Variants in CNTN4 observed in about 807,000 individuals in gnomAD.
CNTN4 encodes the protein contactin-4.
A neutral mutation model predicts 122.5 loss-of-function variants in CNTN4; 77 were observed. That is an observed-to-expected ratio of 0.63 (90% CI 0.52 to 0.76). The LOEUF is 0.76. Ranked by LOEUF, CNTN4 falls within the 30% of genes least tolerant of loss-of-function variation. The probability of loss-of-function intolerance (pLI) is 0.00; values close to 1 mark genes in which losing one functional copy is unlikely to be tolerated. For synonymous variants in CNTN4, 512 were observed against 447.0 expected, an observed-to-expected ratio of 1.15 and a Z score of -1.83; for missense variants, 1,256 against 1,259.1, an observed-to-expected ratio of 1.00 and a Z score of 0.04.
chr3:2,827,304 T>G (rs925820), intron 7 of CNTN4, among the ~76,000 whole-genome samples: 101,403 of 152,084 alleles, frequency 0.67, 34,370 homozygotes, highest in African/African-American at 0.78. Context: ...CCAACCAAAT[T>G]GAATTCATCT....
chr3:2,957,408 A>G (rs985597757), intron 13 of CNTN4, among the ~76,000 whole-genome samples: 1 of 152,100 alleles, frequency 6.6e-6, no homozygotes, highest in African/African-American at 2.4e-5. Flanking sequence ...GCACCTTTTC[A>G]TATGCCTTTG....
intron 2 of CNTN4, among the ~76,000 whole-genome samples, chr3:2,314,476 AT>A (rs1402176695): frequency 6.6e-6 from 1 of 151,986 alleles, no homozygotes; most frequent in Non-Finnish European, 1.5e-5. Context: ...GTGAAGCTGT[AT>A]AAATGTGGAT....
intron 14 of CNTN4, among the ~76,000 whole-genome samples, chr3:3,002,648 GA>G (rs1463512266): frequency 6.6e-6 from 1 of 152,132 alleles, no homozygotes; most frequent in Non-Finnish European, 1.5e-5. Flanking sequence ...GTAAAATGAA[GA>G]GCCTTTAATC....
At chr3:2,459,476 C>T (rs932052669) in intron 3 of CNTN4, among the ~76,000 whole-genome samples, 15 of 152,154 alleles carry the variant, frequency 9.9e-5, no homozygotes, top group Admixed American at 6.6e-5. Context: ...CCATCTACAG[C>T]GCATCTCCAA....
intron 2 of CNTN4, among the ~76,000 whole-genome samples, chr3:2,309,852 C>G (rs1459927553): frequency 6.6e-6 from 1 of 152,128 alleles, no homozygotes; most frequent in Non-Finnish European, 1.5e-5. Context: ...TGTGGAAAGT[C>G]TCAGGACCAG....
chr3:2,201,106 A>G (rs1028462664), intron 2 of CNTN4, among the ~76,000 whole-genome samples: 15 of 152,162 alleles, frequency 9.9e-5, no homozygotes, highest in Admixed American at 9.8e-4. Flanking sequence ...AGAGTAGCCT[A>G]TTCTCCATTC....
chr3:2,538,282 T>G (rs1222498026), intron 3 of CNTN4, among the ~76,000 whole-genome samples: 1 of 152,124 alleles, frequency 6.6e-6, no homozygotes, highest in Non-Finnish European at 1.5e-5. Flanking sequence ...AGACTTCTAG[T>G]CTTCAGAACT....
At chr3:2,273,608 A>G (rs552039400) in intron 2 of CNTN4, among the ~76,000 whole-genome samples, 22 of 152,328 alleles carry the variant, frequency 1.4e-4, no homozygotes, top group African/African-American at 5.1e-4. Flanking sequence ...TGAATATTCA[A>G]GTTTGTTTGT....
intron 3 of CNTN4, among the ~76,000 whole-genome samples, chr3:2,370,217 A>C (rs1243283574): frequency 6.6e-6 from 1 of 152,206 alleles, no homozygotes; most frequent in Non-Finnish European, 1.5e-5. Flanking sequence ...CACAAAATTT[A>C]TCTCTGATAT....
At chr3:2,556,960 C>T (rs921903407) in intron 3 of CNTN4, among the ~76,000 whole-genome samples, 1 of 151,920 alleles carries the variant, frequency 6.6e-6, no homozygotes, top group Non-Finnish European at 1.5e-5. Context: ...GGCTGGTAGG[C>T]AAGAAAAGAA....
intron 3 of CNTN4, among the ~76,000 whole-genome samples, chr3:2,560,967 C>T (rs75280269): frequency 0.049 from 7,515 of 152,222 alleles, 567 homozygotes; most frequent in African/African-American, 0.17. Context: ...ATTAAGCAGA[C>T]ATAGACTCCC....
At chr3:2,881,750 T>C (rs56775332) in intron 8 of CNTN4, among the ~76,000 whole-genome samples, 64 of 128,164 alleles carry the variant, frequency 5.0e-4, no homozygotes, top group African/African-American at 1.9e-3. Flanking sequence ...GTGAGTGAAA[T>C]CATTTCTCTT....
intron 3 of CNTN4, among the ~76,000 whole-genome samples, chr3:2,530,734 C>T (rs1038312061): frequency 2.0e-5 from 3 of 152,138 alleles, no homozygotes; most frequent in African/African-American, 7.2e-5. Context: ...TTAGAGAACA[C>T]TTATGTAGCC....
intron 6 of CNTN4, among the ~76,000 whole-genome samples, chr3:2,771,235 G>A (rs1379547293): frequency 6.6e-6 from 1 of 152,192 alleles, no homozygotes; most frequent in East Asian, 1.9e-4. Context: ...TTGAAAAGCA[G>A]GTGAAGAATT....
chr3:2,413,825 G>A (rs1455477622), intron 3 of CNTN4, among the ~76,000 whole-genome samples: 1 of 152,196 alleles, frequency 6.6e-6, no homozygotes, highest in Non-Finnish European at 1.5e-5. Flanking sequence ...ACAGGCATGA[G>A]CCACTGCGCC....
intron 4 of CNTN4, among the ~76,000 whole-genome samples, chr3:2,692,470 G>A (rs544978834): frequency 1.3e-5 from 2 of 152,194 alleles, no homozygotes; most frequent in Non-Finnish European, 2.9e-5. Context: ...CAGTTGTTTT[G>A]GAACACGTGG....
At chr3:2,598,526 G>T (rs531773989) in intron 4 of CNTN4, among the ~76,000 whole-genome samples, 3 of 152,208 alleles carry the variant, frequency 2.0e-5, no homozygotes, top group Admixed American at 2.0e-4. Flanking sequence ...GAGTGAGTGT[G>T]TATTTTTGCA....
intron 23 of CNTN4, among the ~76,000 whole-genome samples, chr3:3,044,668 A>C (rs1700460558): frequency 6.6e-6 from 1 of 152,200 alleles, no homozygotes; most frequent in African/African-American, 2.4e-5. Context: ...TCCAGTCTAT[A>C]GCTCCCAGCG....
intron 3 of CNTN4, among the ~76,000 whole-genome samples, chr3:2,402,236 C>G (rs949091933): frequency 6.6e-6 from 1 of 152,072 alleles, no homozygotes; most frequent in Non-Finnish European, 1.5e-5. Context: ...AAGAGCTGAA[C>G]TCCCACCTCT....
Sources: gnomAD v4.1 joint callset for allele counts (sites outside exome capture counted in the v4.1 genomes callset) on GRCh38, gnomAD v4.1.1 for gene constraint, MANE v1.5 for transcripts, NCBI Gene and HGNC (gene_info 2026-07-23, HGNC 2026-07-21) for gene names.